The following CTNNA3 variants were observed in gnomAD, a reference collection of about 807,000 sequenced individuals.
CTNNA3 encodes the protein catenin alpha 3, also known as catenin alpha-3.
A neutral mutation model predicts 95.7 loss-of-function variants in CTNNA3; 76 were observed. The observed-to-expected ratio is 0.79, with a 90% CI of 0.66 to 0.96. CTNNA3 has a LOEUF of 0.96. CTNNA3 is among the 40% of genes least tolerant of loss of function. The pLI is 0.00. For synonymous variants in CTNNA3, 431 were observed against 374.4 expected, an observed-to-expected ratio of 1.15 and a Z score of -1.74; for missense variants, 1,191 against 1,089.8, an observed-to-expected ratio of 1.09 and a Z score of -1.31.
intron 10 of CTNNA3, among the ~76,000 whole-genome samples, chr10:66,578,287 C>T (rs1395487443): frequency 6.6e-6 from 1 of 151,748 alleles, no homozygotes; most frequent in Non-Finnish European, 1.5e-5. Flanking sequence ...TAGACTTCCT[C>T]TCTATTTGGA....
chr10:67,188,853 T>C (rs1862987608), intron 6 of CTNNA3, among the ~76,000 whole-genome samples: 1 of 152,132 alleles, frequency 6.6e-6, no homozygotes, highest in Non-Finnish European at 1.5e-5. Context: ...GTCATGCCTA[T>C]AATTGCAACA....
intron 5 of CTNNA3, among the ~76,000 whole-genome samples, chr10:67,343,432 C>T (rs1447661135): frequency 6.6e-6 from 1 of 152,094 alleles, no homozygotes; most frequent in Non-Finnish European, 1.5e-5. Flanking sequence ...CTATTTCTTT[C>T]ATGAGTGTTT....
At chr10:67,224,340 T>C (rs187471326) in intron 5 of CTNNA3, among the ~76,000 whole-genome samples, 25 of 152,330 alleles carry the variant, frequency 1.6e-4, no homozygotes, top group Admixed American at 3.9e-4. Flanking sequence ...AATCATACAA[T>C]ATTTATCTTT....
chr10:67,123,030 T>C (rs963456532), intron 7 of CTNNA3, among the ~76,000 whole-genome samples: 4 of 152,130 alleles, frequency 2.6e-5, no homozygotes, highest in African/African-American at 9.7e-5. Flanking sequence ...TCTAGTCTAA[T>C]TTCAACCCCA....
At chr10:67,709,647 G>A (rs969697625) in intron 1 of CTNNA3, among the ~76,000 whole-genome samples, 1 of 151,762 alleles carries the variant, frequency 6.6e-6, no homozygotes, top group Non-Finnish European at 1.5e-5. Flanking sequence ...CCTTGATTGG[G>A]TTCCTCATCC....
intron 9 of CTNNA3, among the ~76,000 whole-genome samples, chr10:66,672,603 G>A (rs1846703971): frequency 6.6e-6 from 1 of 152,032 alleles, no homozygotes; most frequent in Non-Finnish European, 1.5e-5. Flanking sequence ...GGAAAGCTAT[G>A]GAAAAATAAC....
At chr10:66,121,161 A>G (rs532233208) in intron 13 of CTNNA3, among the ~76,000 whole-genome samples, 1 of 152,342 alleles carries the variant, frequency 6.6e-6, no homozygotes, top group African/African-American at 2.4e-5. Flanking sequence ...TATTTCTTTG[A>G]GAGACTAAGT....
At chr10:66,432,615 T>A (rs1589241996) in intron 11 of CTNNA3, among the ~76,000 whole-genome samples, 1 of 149,296 alleles carries the variant, frequency 6.7e-6, no homozygotes, top group Admixed American at 6.8e-5. Context: ...GAGCAGAGAT[T>A]GCGCCACTGC....
At chr10:66,200,201 T>C (rs1327802333) in intron 13 of CTNNA3, among the ~76,000 whole-genome samples, 1 of 135,436 alleles carries the variant, frequency 7.4e-6, no homozygotes, top group East Asian at 2.2e-4. Flanking sequence ...AGTGGTTTCA[T>C]GGAGAAGAGG....
In CTNNA3 at chr10:67,251,033, A is replaced by G. The variant is rs571228562; in HGVS notation, c.580-31163T>C. Among the ~76,000 whole-genome samples the G allele has an allele frequency of 2.6e-5, 4 of 152,346 alleles. No individual in the cohort carries two copies. The East Asian group carries it at 7.7e-4, about 29-fold the overall frequency. ...TGTCCACATAAAAACTTGTACATGAATGTTTATGGCAGCATTCTTCATAAT... is the reference window on the plus strand; with the variant it reads ...TGTCCACATAAAAACTTGTACATGAGTGTTTATGGCAGCATTCTTCATAAT... On this transcript the variant is annotated intron_variant, in intron 5 of 17. Coordinates refer to ENST00000433211, the MANE Select transcript of CTNNA3 (RefSeq NM_013266.4).
intron 12 of CTNNA3, among the ~76,000 whole-genome samples, chr10:66,319,437 C>T (rs66520848): frequency 0.1 from 15,931 of 152,070 alleles, 1,061 homozygotes; most frequent in East Asian, 0.23. Flanking sequence ...GTAAGATGTA[C>T]GTAGAAGTCC....
intron 5 of CTNNA3, chr10:67,346,722 T>C (rs528631661): frequency 3.9e-6 from 2 of 511,464 alleles, no homozygotes; most frequent in Non-Finnish European, 7.8e-6. Context: ...ATAATCCAAA[T>C]TTCTTCCCTC....
At chr10:66,238,898 A>G (rs2089985559) in intron 13 of CTNNA3, among the ~76,000 whole-genome samples, 2 of 151,948 alleles carry the variant, frequency 1.3e-5, no homozygotes, top group South Asian at 4.1e-4. Flanking sequence ...CAATGTGAAA[A>G]ATACTGTCAG....
intron 9 of CTNNA3, among the ~76,000 whole-genome samples, chr10:66,730,643 T>C (rs2132664241): frequency 6.6e-6 from 1 of 152,272 alleles, no homozygotes; most frequent in South Asian, 2.1e-4. Flanking sequence ...CTTTTCACAT[T>C]CCCCTGATCT....
intron 5 of CTNNA3, among the ~76,000 whole-genome samples, chr10:67,273,052 T>C (rs1440801702): frequency 6.6e-6 from 1 of 152,132 alleles, no homozygotes; most frequent in Admixed American, 6.6e-5. Flanking sequence ...TACACAGTTT[T>C]CATCCTAGCC....
intron 5 of CTNNA3, among the ~76,000 whole-genome samples, chr10:67,307,850 G>T (rs1378586123): frequency 2.6e-5 from 4 of 152,108 alleles, no homozygotes; most frequent in Admixed American, 6.5e-5. Flanking sequence ...AGGTAAATCA[G>T]ATTTCATCAC....
intron 17 of CTNNA3, among the ~76,000 whole-genome samples, chr10:65,922,196 A>G (rs2077098312): frequency 6.6e-6 from 1 of 152,228 alleles, no homozygotes; most frequent in African/African-American, 2.4e-5. Context: ...TTCGATATCA[A>G]ATAGTTAAAT....
intron 9 of CTNNA3, among the ~76,000 whole-genome samples, chr10:66,752,613 C>T (rs2132732720): frequency 6.6e-6 from 1 of 151,876 alleles, no homozygotes; most frequent in Non-Finnish European, 1.5e-5. Flanking sequence ...CTGCCATGGA[C>T]AAGATACTCT....
chr10:66,721,913 G>C (rs1001130910), intron 9 of CTNNA3, among the ~76,000 whole-genome samples: 21 of 152,174 alleles, frequency 1.4e-4, no homozygotes, highest in African/African-American at 5.1e-4. Context: ...ACCATAAGTG[G>C]TGCAACACAG....
Sources: allele counts gnomAD v4.1 joint callset (sites outside exome capture counted in the v4.1 genomes callset), GRCh38; gene constraint gnomAD v4.1.1; transcripts MANE v1.5; gene names NCBI Gene and HGNC (gene_info 2026-07-23, HGNC 2026-07-21).